Variants in LRBA observed in about 807,000 individuals in gnomAD.
The protein encoded by LRBA is lipopolysaccharide-responsive and beige-like anchor protein.
In LRBA, 176 loss-of-function variants were observed where a neutral mutation model predicts 330.0. The observed-to-expected ratio is 0.53, with a 90% CI of 0.47 to 0.60. LRBA has a LOEUF of 0.60. Among genes scored for constraint, LRBA ranks in the 20% least tolerant of loss-of-function variants. The pLI is 0.00. For synonymous variants in LRBA, 1,230 were observed against 1,193.0 expected, an observed-to-expected ratio of 1.03 and a Z score of -0.64; for missense variants, 3,259 against 3,444.8, an observed-to-expected ratio of 0.95 and a Z score of 1.35.
chr4:150,917,086 G>C (rs1226687532), intron 5 of LRBA, among the ~76,000 whole-genome samples: 1 of 152,038 alleles, frequency 6.6e-6, no homozygotes, highest in Non-Finnish European at 1.5e-5. Flanking sequence ...CCAGGAGGCA[G>C]AGTTTGCAGT....
chr4:150,284,981 G>A lies in LRBA; in HGVS notation c.8119+952C>T, dbSNP rs187518433. On this transcript the variant is annotated intron_variant, in intron 54 of 56. Coordinates refer to ENST00000651943, the MANE Select transcript of LRBA (RefSeq NM_001364905.1). ...GTAATATATAATAGGTTCATTTTACGACTCCTGTTGGCTCAGGACGTATGA... is the reference window on the plus strand; with the variant it reads ...GTAATATATAATAGGTTCATTTTACAACTCCTGTTGGCTCAGGACGTATGA... Among the ~76,000 whole-genome samples, 7 of 152,230 alleles carry A rather than the reference G, an allele frequency of 4.6e-5. No individual in the cohort carries two copies. In the East Asian group the frequency reaches 1.2e-3, roughly 25 times the overall value.
chr4:150,741,271 C>A (rs575190827), intron 35 of LRBA, among the ~76,000 whole-genome samples: 1 of 151,948 alleles, frequency 6.6e-6, no homozygotes, highest in Admixed American at 6.6e-5. Context: ...TTACAACCAA[C>A]GAGGAACTGC....
rs543394560 is a variant in LRBA, at chr4:150,609,189, T to G, written c.5922-10058A>C. On this transcript the variant is annotated intron_variant, in intron 37 of 56. Coordinates refer to ENST00000651943, the MANE Select transcript of LRBA (RefSeq NM_001364905.1). ...TCTGACTCATGGAAAGCTGACCAAA[T>G]TATGATAAATCCGGTCATTCTCAGC... is the stretch of plus-strand genomic sequence containing the variant. Among the ~76,000 whole-genome samples, 67 of 152,326 alleles carry G rather than the reference T, an allele frequency of 4.4e-4. No homozygotes were observed. In the South Asian group the frequency reaches 5.0e-3, roughly 11 times the overall value.
intron 5 of LRBA, among the ~76,000 whole-genome samples, chr4:150,918,636 G>C (rs563377764): frequency 6.6e-6 from 1 of 152,172 alleles, no homozygotes; most frequent in South Asian, 2.1e-4. Flanking sequence ...TGTAATCCCA[G>C]CTACTCAGGA....
At chr4:150,874,119 C>CA (rs972998212) in intron 17 of LRBA, among the ~76,000 whole-genome samples, 8 of 152,024 alleles carry the variant, frequency 5.3e-5, no homozygotes, top group African/African-American at 1.4e-4. Context: ...TTTTTTTCCC[C>CA]AAAGATGGCA....
intron 2 of LRBA, among the ~76,000 whole-genome samples, chr4:150,962,949 G>A (rs1738320699): frequency 1.4e-5 from 2 of 145,938 alleles, no homozygotes; most frequent in Non-Finnish European, 3.0e-5. Flanking sequence ...GCCAGACTCT[G>A]TCTGAAAAAA....
chr4:150,714,563 CA>C (rs1275818599), intron 36 of LRBA, among the ~76,000 whole-genome samples: 6 of 151,954 alleles, frequency 3.9e-5, no homozygotes, highest in African/African-American at 1.5e-4. Context: ...GGAATGAGTT[CA>C]AGAAATCTAT....
At chr4:150,360,061 C>A (rs573236190) in intron 47 of LRBA, among the ~76,000 whole-genome samples, 19 of 152,062 alleles carry the variant, frequency 1.2e-4, no homozygotes, top group African/African-American at 4.3e-4. Flanking sequence ...AACAAAATCA[C>A]CCCAAGGATT....
chr4:150,590,259 G>A (rs555269721), intron 39 of LRBA, among the ~76,000 whole-genome samples: 3 of 151,494 alleles, frequency 2.0e-5, no homozygotes, highest in East Asian at 3.9e-4. Context: ...AAAAGCCATG[G>A]CATTCTCGGA....
intron 47 of LRBA, among the ~76,000 whole-genome samples, chr4:150,358,823 C>T (rs772395111): frequency 5.3e-5 from 8 of 152,024 alleles, no homozygotes; most frequent in Non-Finnish European, 1.2e-4. Flanking sequence ...TTTGCTTATC[C>T]ATATAGATCT....
At chr4:150,869,750 T>A (rs1309448590) in intron 20 of LRBA, among the ~76,000 whole-genome samples, 2 of 151,834 alleles carry the variant, frequency 1.3e-5, no homozygotes, top group Admixed American at 6.6e-5. Context: ...AAAAAAAAAA[T>A]TCTTTTAAAA....
chr4:150,430,196 C>T (rs961381564), intron 46 of LRBA, among the ~76,000 whole-genome samples: 4 of 152,132 alleles, frequency 2.6e-5, no homozygotes, highest in African/African-American at 9.7e-5. Flanking sequence ...GCCCCACTGG[C>T]ATTACTGAAT....
chr4:150,567,474 C>T (rs1047108886), intron 40 of LRBA, among the ~76,000 whole-genome samples: 1 of 152,078 alleles, frequency 6.6e-6, no homozygotes, highest in Non-Finnish European at 1.5e-5. Context: ...GACAATGGCA[C>T]TGATGGGATA....
At chr4:150,669,888 G>A (rs6535744) in intron 37 of LRBA, among the ~76,000 whole-genome samples, 25,574 of 152,036 alleles carry the variant, frequency 0.17, 5,438 homozygotes, top group African/African-American at 0.5. Flanking sequence ...TAATTAAATG[G>A]AAGATTTGTA....
chr4:150,660,611 C>T (rs1236770501), intron 37 of LRBA, among the ~76,000 whole-genome samples: 1 of 143,526 alleles, frequency 7.0e-6, no homozygotes, highest in African/African-American at 2.5e-5. Context: ...ACAATGGCGG[C>T]CTTGTGGAAT....
intron 36 of LRBA, among the ~76,000 whole-genome samples, chr4:150,701,552 T>C (rs1198389284): frequency 6.6e-6 from 1 of 152,138 alleles, no homozygotes; most frequent in Non-Finnish European, 1.5e-5. Context: ...TCCATTAAAA[T>C]CTCATAGGAC....
At chr4:150,826,615 A>G (rs1578906390) in intron 30 of LRBA, among the ~76,000 whole-genome samples, 1 of 152,290 alleles carries the variant, frequency 6.6e-6, no homozygotes, top group South Asian at 2.1e-4. Context: ...CTTATCAGTA[A>G]GAGATTAACT....
At chr4:150,868,697 G>A (rs969275612) in intron 20 of LRBA, among the ~76,000 whole-genome samples, 2 of 152,170 alleles carry the variant, frequency 1.3e-5, no homozygotes, top group Non-Finnish European at 2.9e-5. Flanking sequence ...CAACATTTTG[G>A]GAAGCTGAGG....
chr4:150,682,061 T>G (rs549731331), intron 37 of LRBA, among the ~76,000 whole-genome samples: 1 of 152,302 alleles, frequency 6.6e-6, no homozygotes, highest in African/African-American at 2.4e-5. Context: ...ACATAAGTTA[T>G]CTAAATGTGT....
Sources: allele counts gnomAD v4.1 joint callset (sites outside exome capture counted in the v4.1 genomes callset), GRCh38; gene constraint gnomAD v4.1.1; transcripts MANE v1.5; gene names NCBI Gene and HGNC (gene_info 2026-07-23, HGNC 2026-07-21).